Variants in CCNJL observed in about 807,000 individuals in gnomAD.
The protein encoded by CCNJL is cyclin-J-like protein.
In CCNJL, 33 loss-of-function variants were observed where a neutral mutation model predicts 33.4. The observed-to-expected ratio is 0.99, with a 90% CI of 0.75 to 1.32. The LOEUF is 1.32. CCNJL is among the 40% of genes most tolerant of loss of function. The pLI, the probability that CCNJL is intolerant of heterozygous loss-of-function variation, is 0.00. For missense variants in CCNJL, 512 were observed against 499.7 expected, an observed-to-expected ratio of 1.02 and a Z score of -0.23; for synonymous variants, 227 against 220.9, an observed-to-expected ratio of 1.03 and a Z score of -0.24.
At chr5:160,327,961 C>T (rs1052564534) in intron 1 of CCNJL, among the ~76,000 whole-genome samples, 9 of 152,108 alleles carry the variant, frequency 5.9e-5, no homozygotes, top group African/African-American at 2.2e-4. Context: ...GATCAGACAC[C>T]CCCTGACACT....
chr5:160,275,533 G>A (rs960259017), intron 3 of CCNJL, among the ~76,000 whole-genome samples: 1 of 151,990 alleles, frequency 6.6e-6, no homozygotes, highest in African/African-American at 2.4e-5. Flanking sequence ...GGCCCAGGCT[G>A]GAGTGCAGTG....
Position 160,305,862 on chromosome 5 carries a change from C to T in CCNJL, c.66+5996G>A, listed in dbSNP as rs73819806. Among the ~76,000 whole-genome samples the T allele has an allele frequency of 9.8e-3, 1,495 of 152,266 alleles. 32 individuals are homozygous for T. The highest frequency in any genetic ancestry group is 0.034 in the African/African-American group (1,424 of 41,548). ...CACACTGCCTGAAATCTAGAAAGTG[C>T]TCAATAAACAGTAGCTACTAACATT... On this transcript the variant is annotated intron_variant, in intron 2 of 5. Coordinates refer to ENST00000257536, the MANE Select transcript of CCNJL (RefSeq NM_001308173.3).
At chr5:160,328,253 T>G (rs974263206) in intron 1 of CCNJL, among the ~76,000 whole-genome samples, 1 of 152,106 alleles carries the variant, frequency 6.6e-6, no homozygotes, top group Non-Finnish European at 1.5e-5. Flanking sequence ...TGGGAAGATT[T>G]TAAACACAGG....
chr5:160,311,781 C>A, intron 2 of CCNJL, 77 bp downstream of exon 2: 2 of 1,385,368 alleles, frequency 1.4e-6, no homozygotes, highest in Admixed American at 1.7e-5. Context: ...CCCACGCAGG[C>A]GACCTGAGAA....
intron 2 of CCNJL, among the ~76,000 whole-genome samples, chr5:160,284,920 AT>A (rs944689094): frequency 1.3e-5 from 2 of 150,764 alleles, no homozygotes; most frequent in Admixed American, 6.6e-5. Context: ...TTTTATTTTT[AT>A]TTTTTTTAAG....
At chr5:160,284,226 C>A (rs973092029) in intron 2 of CCNJL, among the ~76,000 whole-genome samples, 2 of 152,026 alleles carry the variant, frequency 1.3e-5, no homozygotes, top group Non-Finnish European at 2.9e-5. Context: ...GTGGTGAGTG[C>A]CTGTAGTCCC....
At chr5:160,266,917 C>T (rs919669495) in intron 3 of CCNJL, among the ~76,000 whole-genome samples, 3 of 152,184 alleles carry the variant, frequency 2.0e-5, no homozygotes, top group African/African-American at 7.2e-5. Context: ...TGGCCTCCTG[C>T]TGGTGATTTC....
chr5:160,275,020 C>T (rs1170536816), intron 3 of CCNJL, among the ~76,000 whole-genome samples: 1 of 151,824 alleles, frequency 6.6e-6, no homozygotes, highest in Non-Finnish European at 1.5e-5. Context: ...ATTCATTTTC[C>T]CCCCATAAAT....
At chr5:160,319,949 T>A (rs1427029303) in intron 1 of CCNJL, among the ~76,000 whole-genome samples, 3 of 151,752 alleles carry the variant, frequency 2.0e-5, no homozygotes, top group Admixed American at 6.6e-5. Flanking sequence ...AATAAATAAA[T>A]AAATAAACGA....
At chr5:160,265,159 G>A (rs1408747861) in intron 3 of CCNJL, among the ~76,000 whole-genome samples, 2 of 152,192 alleles carry the variant, frequency 1.3e-5, no homozygotes, top group African/African-American at 2.4e-5. Context: ...ACCGTGTTCT[G>A]CACTGTGCCC....
At chr5:160,284,346 T>C (rs1762338830) in intron 2 of CCNJL, among the ~76,000 whole-genome samples, 1 of 151,982 alleles carries the variant, frequency 6.6e-6, no homozygotes, top group Non-Finnish European at 1.5e-5. Flanking sequence ...AGCCAGACCC[T>C]GTCTCAAAAA....
At chr5:160,338,470 G>A (rs981708436) in intron 1 of CCNJL, among the ~76,000 whole-genome samples, 3 of 150,370 alleles carry the variant, frequency 2.0e-5, no homozygotes, top group African/African-American at 7.4e-5. Context: ...TACACTAAAG[G>A]CTGTGTCCCC....
intron 1 of CCNJL, among the ~76,000 whole-genome samples, chr5:160,320,835 T>TTC (rs1763437225): frequency 1.7e-5 from 2 of 116,368 alleles, no homozygotes; most frequent in African/African-American, 6.1e-5. Flanking sequence ...CTTTCTTTCT[T>TTC]TCTTTCTTTC....
At chr5:160,289,652 G>C (rs1383657656) in intron 2 of CCNJL, among the ~76,000 whole-genome samples, 1 of 152,062 alleles carries the variant, frequency 6.6e-6, no homozygotes, top group Non-Finnish European at 1.5e-5. Context: ...GAGAGGGAAA[G>C]TGCCCCGGAA....
chr5:160,333,524 A>T (rs1763636798), intron 1 of CCNJL, among the ~76,000 whole-genome samples: 1 of 151,734 alleles, frequency 6.6e-6, no homozygotes, highest in Non-Finnish European at 1.5e-5. Flanking sequence ...CTAGGAGGTC[A>T]AGGCTGCAGT....
At chr5:160,308,045 T>C (rs955344261) in intron 2 of CCNJL, among the ~76,000 whole-genome samples, 3 of 152,192 alleles carry the variant, frequency 2.0e-5, no homozygotes, top group African/African-American at 4.8e-5. Context: ...AACACCATCA[T>C]AGGACCAATG....
chr5:160,338,931 T>C (rs1351867767), intron 1 of CCNJL, among the ~76,000 whole-genome samples: 2 of 152,158 alleles, frequency 1.3e-5, no homozygotes, highest in African/African-American at 4.8e-5. Context: ...GCTGGGATTA[T>C]AGGCACCTGC....
chr5:160,253,598 G>A lies in CCNJL; in HGVS notation c.944C>T (p.Ala315Val). Reference sequence around the variant, plus strand: ...CGAGAGCAGGCTCCCTGAACGGTGGGCCTGCAAGGAGTCCCGATAGGCCAA... The same window carrying A: ...CGAGAGCAGGCTCCCTGAACGGTGGACCTGCAAGGAGTCCCGATAGGCCAA... ...LCLAYRDSLQ[A>V]HRSGSLLSGS... The change falls in exon 6 of 6, where the codon GCC becomes GTC. Residue 315 changes from alanine to valine, a missense_variant. Ala to Val is a moderately conservative substitution (Grantham distance 64). Transcript: ENST00000257536. 6.2e-7 allele frequency: 1 copy of A among 1,613,670 alleles called. No individual in the cohort carries two copies.
chr5:160,330,317 T>C (rs1436742881), intron 1 of CCNJL, among the ~76,000 whole-genome samples: 3 of 152,190 alleles, frequency 2.0e-5, no homozygotes, highest in African/African-American at 7.2e-5. Context: ...CATCCAGGTA[T>C]TGGCATGTTC....
Sources: gnomAD v4.1 joint callset for allele counts (sites outside exome capture counted in the v4.1 genomes callset) on GRCh38, gnomAD v4.1.1 for gene constraint, MANE v1.5 for transcripts, NCBI Gene and HGNC (gene_info 2026-07-23, HGNC 2026-07-21) for gene names.